Variants in LRRIQ1 observed in about 807,000 individuals in gnomAD.
LRRIQ1 encodes leucine-rich repeat- and IQ domain-containing protein 1.
Under a neutral mutation model 211.9 loss-of-function variants are expected in LRRIQ1, and 210 were observed. That is an observed-to-expected ratio of 0.99 (90% confidence interval 0.89 to 1.11). The LOEUF (loss-of-function observed/expected upper bound fraction) is 1.11. Among genes scored for constraint, LRRIQ1 ranks in the 50% most tolerant of loss-of-function variants. LRRIQ1 has a pLI of 0.00. For missense variants in LRRIQ1, 2,136 were observed against 1,939.5 expected, an observed-to-expected ratio of 1.10 and a Z score of -1.90; for synonymous variants, 699 against 650.1, an observed-to-expected ratio of 1.08 and a Z score of -1.14.
chr12:85,097,418 C>T (rs2136270261), intron 11 of LRRIQ1, among the ~76,000 whole-genome samples: 1 of 151,834 alleles, frequency 6.6e-6, no homozygotes, highest in Non-Finnish European at 1.5e-5. Flanking sequence ...CTCACCCCAC[C>T]CTACCACAGG....
chr12:85,201,919 G>A (rs970321648), intron 24 of LRRIQ1, among the ~76,000 whole-genome samples: 5 of 151,988 alleles, frequency 3.3e-5, no homozygotes, highest in African/African-American at 1.2e-4. Flanking sequence ...TTTTTGATGT[G>A]TGCTCTCAGT....
chr12:85,068,207 G>A (rs950999076), intron 10 of LRRIQ1, among the ~76,000 whole-genome samples: 4 of 151,764 alleles, frequency 2.6e-5, no homozygotes, highest in Non-Finnish European at 5.9e-5. Context: ...CTGAAATACT[G>A]GGCTCCCAGA....
chr12:85,157,649 G>A (rs866717845), intron 23 of LRRIQ1, among the ~76,000 whole-genome samples: 5 of 151,798 alleles, frequency 3.3e-5, no homozygotes, highest in Non-Finnish European at 7.4e-5. Context: ...AAACATGCAG[G>A]GTCAATAATC....
intron 18 of LRRIQ1, among the ~76,000 whole-genome samples, chr12:85,133,646 G>A (rs1401581229): frequency 1.3e-5 from 2 of 152,036 alleles, no homozygotes; most frequent in African/African-American, 4.8e-5. Context: ...GGTTTGAAAA[G>A]GATAATTGAA....
At chr12:85,080,693 C>G (rs886891497) in intron 11 of LRRIQ1, among the ~76,000 whole-genome samples, 22 of 149,262 alleles carry the variant, frequency 1.5e-4, no homozygotes, top group Non-Finnish European at 2.5e-4. Context: ...ACTTGACATT[C>G]AATTTGCATT....
intron 24 of LRRIQ1, among the ~76,000 whole-genome samples, 160 bp downstream of exon 24, chr12:85,160,874 A>G (rs1890828520): frequency 6.6e-6 from 1 of 152,040 alleles, no homozygotes. Context: ...CTTAAAGCTG[A>G]AGTGCTAATT....
At chr12:85,037,745 C>T (rs1023299311) in intron 1 of LRRIQ1, among the ~76,000 whole-genome samples, 1 of 151,964 alleles carries the variant, frequency 6.6e-6, no homozygotes, top group Non-Finnish European at 1.5e-5. Flanking sequence ...CTGACTAGTA[C>T]GTTTTCAAAC....
intron 24 of LRRIQ1, among the ~76,000 whole-genome samples, chr12:85,203,326 G>A (rs1433530960): frequency 6.6e-6 from 1 of 152,036 alleles, no homozygotes; most frequent in Non-Finnish European, 1.5e-5. Flanking sequence ...CCCATTCTTG[G>A]GTATGTCTTT....
chr12:85,237,446 T>C (rs948803476), intron 26 of LRRIQ1, among the ~76,000 whole-genome samples: 16 of 152,114 alleles, frequency 1.1e-4, no homozygotes, highest in Middle Eastern at 3.4e-3. Flanking sequence ...AGAGAAAGTG[T>C]TGCAAAAATT....
chr12:85,226,790 G>A (rs1485313062), intron 24 of LRRIQ1, among the ~76,000 whole-genome samples: 1 of 148,168 alleles, frequency 6.7e-6, no homozygotes, highest in Non-Finnish European at 1.5e-5. Context: ...TTGGTTTTCT[G>A]TCCTTGTGAT....
At chr12:85,206,945 G>T (rs1250316025) in intron 24 of LRRIQ1, among the ~76,000 whole-genome samples, 1 of 152,108 alleles carries the variant, frequency 6.6e-6, no homozygotes, top group Non-Finnish European at 1.5e-5. Flanking sequence ...TGGAAGATGG[G>T]TGTCACTGAC....
chr12:85,058,521 A>T (rs144336107), intron 8 of LRRIQ1, among the ~76,000 whole-genome samples: 1 of 152,142 alleles, frequency 6.6e-6, no homozygotes, highest in Non-Finnish European at 1.5e-5. Context: ...AGTGAAAATG[A>T]AGTTACAGAA....
chr12:85,145,843 A>G (rs1889858296), intron 19 of LRRIQ1, among the ~76,000 whole-genome samples: 2 of 151,786 alleles, frequency 1.3e-5, no homozygotes, highest in South Asian at 4.1e-4. Context: ...ACATCTTTGG[A>G]AAGATAGTCT....
chr12:85,236,829 G>GTATATATATATATATATATATA (rs1565921248), intron 26 of LRRIQ1, among the ~76,000 whole-genome samples: 26 of 60,468 alleles, frequency 4.3e-4, no homozygotes, highest in African/African-American at 3.9e-3. Flanking sequence ...GTGTATGTGT[G>GTATATATATATATATATATATA]CATATATATA....
rs1277492624 is a variant in LRRIQ1 at position 85,052,188 on chromosome 12, C to A, written c.690C>A (p.Asp230Glu). The A allele has an allele frequency of 2.0e-6, 3 of 1,530,626 alleles. No individual in the cohort carries two copies. Among genetic ancestry groups the A allele is most frequent in the East Asian group, 2.4e-5 (1 of 42,516 alleles). 94.8% of individuals were successfully genotyped at this position (1,530,626 alleles called of 1,614,324 possible). ...TATCATATGTTCAGCAAGAACAGGA[C>A]AAGATGAATGATGAACTCTATAAAG... is the stretch of plus-strand genomic sequence containing the variant. The part of the protein sequence containing the change: ...KLENIQKQEQ[D>E]KMNDELYKEE... Residue 230 changes from aspartate (D) to glutamate (E), a missense_variant, in exon 7 of 27, where the codon GAC (aspartate) becomes GAA (glutamate). Transcript: ENST00000393217.
At chr12:85,086,620 T>TTC (rs1333976195) in intron 11 of LRRIQ1, among the ~76,000 whole-genome samples, 3 of 151,618 alleles carry the variant, frequency 2.0e-5, no homozygotes, top group Non-Finnish European at 4.4e-5. Flanking sequence ...TTTTCTTTTT[T>TTC]TTTTTTCTGG....
At chr12:85,251,025 A>G (rs1181086362) in intron 1 of LRRIQ1, among the ~76,000 whole-genome samples, 1 of 128,740 alleles carries the variant, frequency 7.8e-6, no homozygotes, top group Non-Finnish European at 1.6e-5. Context: ...TTAAATTACT[A>G]TTTTCTGAAT....
At chr12:85,178,098 T>A (rs1323151122) in intron 24 of LRRIQ1, among the ~76,000 whole-genome samples, 1 of 152,092 alleles carries the variant, frequency 6.6e-6, no homozygotes, top group African/African-American at 2.4e-5. Context: ...TCAAAATTTT[T>A]CTATCACTTT....
At chr12:85,071,197 A>G (rs902969532) in intron 10 of LRRIQ1, among the ~76,000 whole-genome samples, 6 of 151,954 alleles carry the variant, frequency 3.9e-5, no homozygotes, top group South Asian at 2.1e-4. Context: ...GAATTTTTGT[A>G]TAATATGTAC....
Sources: allele counts gnomAD v4.1 joint callset (sites outside exome capture counted in the v4.1 genomes callset), GRCh38; gene constraint gnomAD v4.1.1; transcripts MANE v1.5; gene names NCBI Gene and HGNC (gene_info 2026-07-23, HGNC 2026-07-21).